The following ITPR2 variants were observed in gnomAD, a reference collection of about 807,000 sequenced individuals.
The protein encoded by ITPR2 is inositol 1,4,5-trisphosphate receptor type 2, also known as inositol 1,4,5-trisphosphate-gated calcium channel ITPR2.
In ITPR2, 207 loss-of-function variants were observed where a neutral mutation model predicts 317.1. The ratio of observed to expected loss-of-function variants is 0.65; its 90% CI spans 0.58 to 0.73. ITPR2 has a LOEUF of 0.73. Among genes scored for constraint, ITPR2 ranks in the 30% least tolerant of loss-of-function variants. ITPR2 has a pLI of 0.00. For missense variants in ITPR2, 2,613 were observed against 3,284.0 expected (o/e 0.80, Z 4.99); for synonymous variants, 1,156 against 1,149.1 (o/e 1.01, Z -0.12).
intron 37 of ITPR2, among the ~76,000 whole-genome samples, chr12:26,526,258 T>G (rs7299826): frequency 0.22 from 33,131 of 152,008 alleles, 3,907 homozygotes; most frequent in Non-Finnish European, 0.26. Context: ...GGAAGTTATT[T>G]TAGATAGAGT....
chr12:26,366,888 G>A (rs755941414), intron 55 of ITPR2, among the ~76,000 whole-genome samples: 8 of 152,090 alleles, frequency 5.3e-5, no homozygotes, highest in Non-Finnish European at 1.2e-4. Context: ...AGCATGAGCT[G>A]ATTACTTGGT....
chr12:26,781,992 G>GTGTATATA (rs1950087039), intron 2 of ITPR2, among the ~76,000 whole-genome samples: 1 of 56,968 alleles, frequency 1.8e-5, no homozygotes, highest in Non-Finnish European at 3.2e-5. Context: ...AAACTCCCCT[G>GTGTATATA]TATATATATA....
At chr12:26,556,410 G>A in intron 35 of ITPR2, 35 bp from the exon 36 acceptor site, 1 of 1,586,826 alleles carries the variant, frequency 6.3e-7, no homozygotes, top group South Asian at 1.2e-5. Context: ...CCACATGAAG[G>A]CGTAAGTCAG....
At chr12:26,716,295 A>C in intron 5 of ITPR2, 53 bp from the exon 6 acceptor site, 1 of 1,195,478 alleles carries the variant, frequency 8.4e-7, no homozygotes, top group Middle Eastern at 1.9e-4. Flanking sequence ...CTTTGGTGCT[A>C]TATTCGAAGC....
intron 1 of ITPR2, among the ~76,000 whole-genome samples, chr12:26,805,432 G>A (rs546409482): frequency 3.3e-5 from 5 of 152,192 alleles, no homozygotes; most frequent in East Asian, 1.9e-4. Context: ...ATTGGCTATC[G>A]CCATTTTCAT....
At chr12:26,731,051 G>A (rs17480903) in intron 2 of ITPR2, among the ~76,000 whole-genome samples, 24,566 of 152,096 alleles carry the variant, frequency 0.16, 2,754 homozygotes, top group Non-Finnish European at 0.24. Flanking sequence ...CTGACTTTAG[G>A]ACTCTATTTA....
intron 55 of ITPR2, among the ~76,000 whole-genome samples, chr12:26,354,519 C>A (rs957341307): frequency 6.6e-6 from 1 of 152,130 alleles, no homozygotes; most frequent in Non-Finnish European, 1.5e-5. Flanking sequence ...TGTTTGCAGC[C>A]GGCCAGCTCA....
At chr12:26,712,332 T>C (rs1477121501) in intron 8 of ITPR2, among the ~76,000 whole-genome samples, 1 of 152,188 alleles carries the variant, frequency 6.6e-6, no homozygotes, top group African/African-American at 2.4e-5. Flanking sequence ...ACGAATTCTG[T>C]GTGTTAACAT....
rs148169040 is a variant in ITPR2 at position 26,631,833 on chromosome 12, T to C, written c.2934+33A>G. ...AGTTAAATCAATAAGCAAAATTACA[T>C]CTTTGTCACCTAGCTTCTGTTAGGC... On this transcript the variant is annotated intron_variant, in intron 22 of 56. Coordinates refer to ENST00000381340, the MANE Select transcript of ITPR2 (RefSeq NM_002223.4). 5.6e-4 allele frequency: 899 copies of C among 1,594,930 alleles called. 10 individuals carry two copies. In the African/African-American group the frequency reaches 0.011, roughly 19 times the overall value.
chr12:26,454,366 A>C (rs1591798932), intron 45 of ITPR2, among the ~76,000 whole-genome samples: 1 of 152,080 alleles, frequency 6.6e-6, no homozygotes, highest in South Asian at 2.1e-4. Context: ...CACCATGACC[A>C]GCTAATTTTT....
chr12:26,827,686 A>G lies in ITPR2; in HGVS notation c.92+5004T>C, dbSNP rs141575014. Among the ~76,000 whole-genome samples the G allele has an allele frequency of 1.6e-3, 241 of 152,344 alleles. 1 individual carries two copies. The highest frequency in any genetic ancestry group is 2.6e-3 in the Non-Finnish European group (180 of 68,036). ...TTTATTTGCAAATAAATGTCTATTCATTATCTTGAAATACTGTGTAAACTC... is the reference window on the plus strand; with the variant it reads ...TTTATTTGCAAATAAATGTCTATTCGTTATCTTGAAATACTGTGTAAACTC... On this transcript the variant is annotated intron_variant, in intron 1 of 56. Transcript: ENST00000381340.
intron 40 of ITPR2, chr12:26,486,769 G>C (rs1034358742): frequency 3.4e-6 from 2 of 584,092 alleles, no homozygotes; most frequent in Non-Finnish European, 6.4e-6. Context: ...TGTTTTTAAA[G>C]TTTCATTTTC....
chr12:26,346,844 G>A (rs1012105478), intron 55 of ITPR2, among the ~76,000 whole-genome samples: 1 of 152,148 alleles, frequency 6.6e-6, no homozygotes, highest in African/African-American at 2.4e-5. Context: ...TGTAAAATCA[G>A]AATGTTACCC....
At chr12:26,615,089 C>A (rs2170977) in intron 26 of ITPR2, among the ~76,000 whole-genome samples, 19,871 of 152,120 alleles carry the variant, frequency 0.13, 1,777 homozygotes, top group Non-Finnish European at 0.19. Context: ...TGTAATTTTT[C>A]TCTAAACCTA....
chr12:26,369,101 G>A (rs921477530), intron 55 of ITPR2, among the ~76,000 whole-genome samples: 6 of 152,168 alleles, frequency 3.9e-5, no homozygotes, highest in Non-Finnish European at 8.8e-5. Context: ...AAACAAGCTT[G>A]GCATATTATG....
intron 9 of ITPR2, among the ~76,000 whole-genome samples, chr12:26,702,064 T>A (rs963659043): frequency 1.3e-5 from 2 of 152,192 alleles, no homozygotes; most frequent in Non-Finnish European, 2.9e-5. Flanking sequence ...TATTTTCCTA[T>A]GCAAAATATG....
chr12:26,746,723 G>T (rs1249589844), intron 2 of ITPR2, among the ~76,000 whole-genome samples: 3 of 152,126 alleles, frequency 2.0e-5, no homozygotes, highest in Non-Finnish European at 4.4e-5. Context: ...GAATTTTCAA[G>T]GTAATGCAGC....
chr12:26,362,234 C>T (rs1473938280), intron 55 of ITPR2, among the ~76,000 whole-genome samples: 4 of 152,186 alleles, frequency 2.6e-5, no homozygotes, highest in African/African-American at 9.7e-5. Flanking sequence ...CCTAGTTCAA[C>T]CTGCACTTCC....
chr12:26,716,264 C>G (rs1948738650), intron 5 of ITPR2, 22 bp from the exon 6 acceptor site: 5 of 1,447,932 alleles, frequency 3.5e-6, no homozygotes, highest in African/African-American at 1.4e-5. Flanking sequence ...AAATAAATCA[C>G]AATTGAGACA....
Sources: gnomAD v4.1 joint callset for allele counts (sites outside exome capture counted in the v4.1 genomes callset) on GRCh38, gnomAD v4.1.1 for gene constraint, MANE v1.5 for transcripts, NCBI Gene and HGNC (gene_info 2026-07-23, HGNC 2026-07-21) for gene names.